CHCHD3: variants seen among roughly 807,000 people sequenced by gnomAD.
CHCHD3 encodes the protein MICOS complex subunit MIC19.
Under a neutral mutation model 38.2 loss-of-function variants are expected in CHCHD3, and 20 were observed. The observed-to-expected ratio is 0.52, with a 90% confidence interval of 0.37 to 0.76. The LOEUF (loss-of-function observed/expected upper bound fraction) is 0.76. Among genes scored for constraint, CHCHD3 ranks in the 30% least tolerant of loss-of-function variants. The pLI, the probability that CHCHD3 is intolerant of heterozygous loss-of-function variation, is 0.00. For synonymous variants in CHCHD3, 82 were observed against 100.0 expected, an observed-to-expected ratio of 0.82 and a Z score of 1.07; for missense variants, 245 against 279.2, an observed-to-expected ratio of 0.88 and a Z score of 0.87.
rs5887600 is a variant in CHCHD3, at chr7:132,919,100, C to CTTTTTTTTTTT, written c.370-33366_370-33356dup. Among the ~76,000 whole-genome samples, 78 of 69,500 alleles carry CTTTTTTTTTTT rather than the reference C, an allele frequency of 1.1e-3. 11 individuals are homozygous for CTTTTTTTTTTT. The highest frequency in any genetic ancestry group is 6.5e-3 in the Admixed American group (27 of 4,158). The allele number at this position is 69,500 out of a possible 152,430, so 45.6% of individuals were successfully genotyped here. A position where few individuals can be genotyped will look rare whatever the true frequency, so the allele number is the denominator to read the frequency against. On this transcript the variant is annotated intron_variant, in intron 4 of 7. Coordinates refer to ENST00000262570, the MANE Select transcript of CHCHD3 (RefSeq NM_017812.4). Reference sequence around the variant, plus strand: ...CTAATCCTATATAGTTGGGTTTATTCTTTTTTTTTTTTTTTTTTTTTTTTT... The same window carrying CTTTTTTTTTTT: ...CTAATCCTATATAGTTGGGTTTATTCTTTTTTTTTTTTTTTTTTTTTTTTTTTTTTTTTTTT...
chr7:132,826,779 G>C (rs1807519657), intron 6 of CHCHD3, among the ~76,000 whole-genome samples: 1 of 152,160 alleles, frequency 6.6e-6, no homozygotes. Flanking sequence ...ATATTGAAAA[G>C]TACCAGTGCT....
At chr7:132,874,208 G>A (rs953301791) in intron 5 of CHCHD3, among the ~76,000 whole-genome samples, 6 of 152,166 alleles carry the variant, frequency 3.9e-5, no homozygotes, top group Non-Finnish European at 8.8e-5. Flanking sequence ...CAAGTCACAA[G>A]GGGACAGTGT....
chr7:132,864,912 C>T (rs142345762), intron 5 of CHCHD3, among the ~76,000 whole-genome samples: 23 of 152,226 alleles, frequency 1.5e-4, no homozygotes, highest in African/African-American at 5.5e-4. Flanking sequence ...CCAGAATAAA[C>T]ACTATTTTCA....
At chr7:132,967,625 TTAAA>T (rs72008953) in intron 4 of CHCHD3, among the ~76,000 whole-genome samples, 58,994 of 139,738 alleles carry the variant, frequency 0.42, 13,037 homozygotes, top group Admixed American at 0.49. Flanking sequence ...ATGCTGTTTC[TTAAA>T]TAAATAAATA....
intron 2 of CHCHD3, among the ~76,000 whole-genome samples, chr7:133,043,982 T>C (rs1410012244): frequency 6.6e-6 from 1 of 152,240 alleles, no homozygotes; most frequent in Non-Finnish European, 1.5e-5. Context: ...ATCACATTTA[T>C]GATGCTCATT....
chr7:132,969,655 C>G (rs985968406), intron 4 of CHCHD3, among the ~76,000 whole-genome samples: 1 of 152,176 alleles, frequency 6.6e-6, no homozygotes, highest in Non-Finnish European at 1.5e-5. Flanking sequence ...CCAAATAGTT[C>G]CTACTCCTCT....
At chr7:132,977,249 T>C (rs554029048) in intron 3 of CHCHD3, among the ~76,000 whole-genome samples, 2 of 152,338 alleles carry the variant, frequency 1.3e-5, no homozygotes, top group South Asian at 2.1e-4. Context: ...CTGTTAGAAA[T>C]GCAGCTTCTC....
intron 3 of CHCHD3, among the ~76,000 whole-genome samples, chr7:132,977,425 TA>T (rs1811795722): frequency 6.6e-6 from 1 of 152,132 alleles, no homozygotes; most frequent in African/African-American, 2.4e-5. Context: ...TAAATGAAAG[TA>T]ACATCAAAAA....
chr7:133,062,911 T>C (rs1255411385), intron 2 of CHCHD3, among the ~76,000 whole-genome samples: 1 of 152,066 alleles, frequency 6.6e-6, no homozygotes, highest in African/African-American at 2.4e-5. Flanking sequence ...CTGAAGCCAG[T>C]GGTTAATCCG....
At chr7:132,904,280 A>C (rs2117208260) in intron 4 of CHCHD3, among the ~76,000 whole-genome samples, 1 of 151,778 alleles carries the variant, frequency 6.6e-6, no homozygotes, top group African/African-American at 2.4e-5. Context: ...AAAAAAACCC[A>C]CAACTTTTTT....
chr7:132,931,153 C>T (rs1408116308), intron 4 of CHCHD3, among the ~76,000 whole-genome samples: 1 of 152,170 alleles, frequency 6.6e-6, no homozygotes, highest in Admixed American at 6.5e-5. Flanking sequence ...GATCTACTCA[C>T]GTATGTTGCA....
Position 132,812,207 on chromosome 7 carries a change from T to C in CHCHD3, c.525-15630A>G, listed in dbSNP as rs1286946295. Among the ~76,000 whole-genome samples the C allele has an allele frequency of 2.9e-4, 39 of 133,888 alleles. 2 individuals are homozygous for C. Among genetic ancestry groups the C allele is most frequent in the East Asian group, 1.5e-3 (7 of 4,624 alleles). The allele number at this position is 133,888 out of a possible 152,430, so 87.8% of individuals were successfully genotyped here. A position where few individuals can be genotyped will look rare whatever the true frequency, so the allele number is the denominator to read the frequency against. ...ACTTCCTTTTTTTCTTTTCTTTTTT[T>C]TTTTTTTTTTTTTTTTTTTTTGAGA... is the stretch of plus-strand genomic sequence containing the variant. On this transcript the variant is annotated intron_variant, in intron 6 of 7. Transcript: ENST00000262570.
At chr7:132,982,146 GTT>G (rs35549528) in intron 3 of CHCHD3, among the ~76,000 whole-genome samples, 2 of 152,220 alleles carry the variant, frequency 1.3e-5, no homozygotes, top group African/African-American at 4.8e-5. Flanking sequence ...CACGTATACA[GTT>G]TTTGATTAAT....
chr7:133,011,245 T>A (rs563415791), intron 3 of CHCHD3, among the ~76,000 whole-genome samples: 37 of 152,320 alleles, frequency 2.4e-4, no homozygotes, highest in African/African-American at 8.9e-4. Context: ...GGACTTGGAC[T>A]TTATGCTAAA....
intron 5 of CHCHD3, among the ~76,000 whole-genome samples, chr7:132,851,783 C>T (rs1056549897): frequency 6.6e-6 from 1 of 152,202 alleles, no homozygotes; most frequent in Non-Finnish European, 1.5e-5. Context: ...GGGAAGTGCT[C>T]AATGAGGTGA....
intron 7 of CHCHD3, among the ~76,000 whole-genome samples, chr7:132,790,825 C>T (rs949166770): frequency 2.6e-5 from 4 of 152,154 alleles, no homozygotes; most frequent in African/African-American, 9.7e-5. Context: ...GGTCTGGTCA[C>T]AGCTGTGAGC....
At chr7:132,850,633 T>G (rs1177026612) in intron 5 of CHCHD3, among the ~76,000 whole-genome samples, 3 of 152,128 alleles carry the variant, frequency 2.0e-5, no homozygotes, top group Admixed American at 6.5e-5. Flanking sequence ...TTCCTTTTAT[T>G]TGTTCACTTT....
chr7:133,020,272 C>T (rs1272566347), intron 3 of CHCHD3, among the ~76,000 whole-genome samples: 1 of 152,076 alleles, frequency 6.6e-6, no homozygotes, highest in Non-Finnish European at 1.5e-5. Flanking sequence ...TAATAATTAG[C>T]AACTGTATTG....
intron 5 of CHCHD3, among the ~76,000 whole-genome samples, chr7:132,851,001 G>A (rs55776533): frequency 0.23 from 35,132 of 151,944 alleles, 4,208 homozygotes; most frequent in South Asian, 0.26. Flanking sequence ...TTCTCTACTT[G>A]TAAAAGTTTA....
Sources: allele counts gnomAD v4.1 joint callset (sites outside exome capture counted in the v4.1 genomes callset), GRCh38; gene constraint gnomAD v4.1.1; transcripts MANE v1.5; gene names NCBI Gene and HGNC (gene_info 2026-07-23, HGNC 2026-07-21).